Variants in TECPR2 observed in about 807,000 individuals in gnomAD.
The protein encoded by TECPR2 is tectonin beta-propeller repeat containing 2, also known as tectonin beta-propeller repeat-containing protein 2.
In TECPR2, 65 loss-of-function variants were observed where a neutral mutation model predicts 138.1. That is an observed-to-expected ratio of 0.47 (90% confidence interval 0.39 to 0.58). The LOEUF (loss-of-function observed/expected upper bound fraction) is 0.58. TECPR2 is among the 20% of genes least tolerant of loss of function. The pLI, the probability that TECPR2 is intolerant of heterozygous loss-of-function variation, is 0.00. For synonymous variants in TECPR2, 746 were observed against 749.8 expected (o/e 0.99, Z 0.08); for missense variants, 1,553 against 1,824.5 (o/e 0.85, Z 2.71).
chr14:102,399,187 GGGA>G (rs1888402357), intron 2 of TECPR2, among the ~76,000 whole-genome samples: 2 of 152,300 alleles, frequency 1.3e-5, no homozygotes, highest in South Asian at 4.1e-4. Flanking sequence ...GCTTGAATCT[GGGA>G]GGCAGAGGTT....
At chr14:102,448,279 C>T (rs1387768968) in intron 13 of TECPR2, among the ~76,000 whole-genome samples, 1 of 152,144 alleles carries the variant, frequency 6.6e-6, no homozygotes, top group Non-Finnish European at 1.5e-5. Context: ...GCATTTATGC[C>T]AGTGATGTTT....
chr14:102,430,603 G>C (rs1319968446), intron 7 of TECPR2, among the ~76,000 whole-genome samples: 3 of 152,236 alleles, frequency 2.0e-5, no homozygotes, highest in Non-Finnish European at 4.4e-5. Flanking sequence ...AAAGTGGGCT[G>C]TGGTCTTGTG....
intron 2 of TECPR2, among the ~76,000 whole-genome samples, chr14:102,395,722 C>T (rs1225268068): frequency 2.0e-5 from 3 of 151,852 alleles, no homozygotes; most frequent in African/African-American, 7.3e-5. Context: ...TGCTTGAACC[C>T]GGGAGGCAGA....
chr14:102,446,038 G>T, intron 13 of TECPR2, 91 bp downstream of exon 13: 1 of 1,387,080 alleles, frequency 7.2e-7, no homozygotes, highest in East Asian at 2.4e-5. Context: ...AACGATACTA[G>T]ATTAAATTTA....
intron 2 of TECPR2, among the ~76,000 whole-genome samples, chr14:102,398,704 A>C (rs189137271): frequency 6.6e-6 from 1 of 152,122 alleles, no homozygotes; most frequent in East Asian, 1.9e-4. Context: ...AAATCAAAAA[A>C]ATTAGCCGGG....
At chr14:102,451,306 G>A (rs563648375) in intron 15 of TECPR2, among the ~76,000 whole-genome samples, 7 of 152,174 alleles carry the variant, frequency 4.6e-5, no homozygotes, top group Non-Finnish European at 8.8e-5. Context: ...GATTGCCTGA[G>A]GATGAAATGC....
chr14:102,411,029 AC>A (rs1333301794), intron 4 of TECPR2, among the ~76,000 whole-genome samples: 4 of 151,684 alleles, frequency 2.6e-5, no homozygotes, highest in Non-Finnish European at 4.4e-5. Context: ...TTCATCCAAA[AC>A]CATATCCAGG....
At position 102,443,609 on chromosome 14, in the gene TECPR2, C is replaced by A; in HGVS notation, c.2753-38C>A. ...GTCAAAATGAGGTGTGGAGTTCTGA[C>A]TGTGTGTCTTTGGGGCTTCTTCCCA... On this transcript the variant is annotated intron_variant, in intron 11 of 19. Coordinates refer to ENST00000359520, the MANE Select transcript of TECPR2 (RefSeq NM_014844.5). The surrounding 1 kb of genome is among the most constrained non-coding windows in gnomAD (Gnocchi z 4.9). 1 of 1,489,064 alleles carries A rather than the reference C, an allele frequency of 6.7e-7. No individual in the cohort carries two copies. The highest frequency in any genetic ancestry group is 9.1e-7 in the Non-Finnish European group (1 of 1,103,498). The allele number at this position is 1,489,064 out of a possible 1,614,324, so 92.2% of individuals were successfully genotyped here.
chr14:102,462,705 C>G (rs1351210950), intron 16 of TECPR2, among the ~76,000 whole-genome samples: 1 of 152,158 alleles, frequency 6.6e-6, no homozygotes, highest in Non-Finnish European at 1.5e-5. Flanking sequence ...TTTTATTCCC[C>G]GGTTGAAAGT....
At chr14:102,396,428 T>G (rs1888317596) in intron 2 of TECPR2, among the ~76,000 whole-genome samples, 1 of 152,152 alleles carries the variant, frequency 6.6e-6, no homozygotes, top group Non-Finnish European at 1.5e-5. Flanking sequence ...GCTCAGCATA[T>G]TCATACTTGA....
rs192460018 is a variant in TECPR2 at position 102,380,543 on chromosome 14, G to A, written c.219+3603G>A. The stretch of plus-strand genomic sequence containing the variant: ...GGGGGGAAACCATGCCCATGATTCA[G>A]TTATCTCTACCTGGTCCCTCCTACG... On this transcript the variant is annotated intron_variant, in intron 2 of 19. Coordinates refer to ENST00000359520, the MANE Select transcript of TECPR2 (RefSeq NM_014844.5). 5.4e-3 allele frequency among the ~76,000 whole-genome samples: 817 copies of A among 152,318 alleles called. 9 individuals are homozygous for A. Among genetic ancestry groups the A allele is most frequent in the Non-Finnish European group, 4.9e-3 (331 of 68,036 alleles).
intron 2 of TECPR2, among the ~76,000 whole-genome samples, chr14:102,384,049 A>G (rs1183521112): frequency 6.6e-6 from 1 of 150,910 alleles, no homozygotes; most frequent in Non-Finnish European, 1.5e-5. Context: ...TCTCCTGAGT[A>G]GCTGGGATTA....
rs900075391 is a variant in TECPR2, at chr14:102,449,097, AC to A, written c.3076-531del. On this transcript the variant is annotated intron_variant, in intron 13 of 19. Coordinates refer to ENST00000359520, the MANE Select transcript of TECPR2 (RefSeq NM_014844.5). ...GGGCAACACAGGGAGACCTGTCTCT[AC>A]AAAAAATTTAAAAATTGGCTACATG... 4.6e-5 allele frequency among the ~76,000 whole-genome samples: 7 copies of A among 152,316 alleles called. No individual in the cohort carries two copies. In the Middle Eastern group the frequency reaches 0.01, roughly 222 times the overall value.
In TECPR2 at chr14:102,498,770, T is replaced by G. The variant is rs1182996127; in HGVS notation, c.*513T>G. The G allele has an allele frequency of 2.0e-6, 1 of 495,306 alleles. No homozygotes were observed. Among genetic ancestry groups the G allele is most frequent in the Non-Finnish European group, 3.9e-6 (1 of 253,972 alleles). The allele number at this position is 495,306 out of a possible 1,614,324, so 30.7% of individuals were successfully genotyped here. A position where few individuals can be genotyped will look rare whatever the true frequency, so the allele number is the denominator to read the frequency against. On this transcript the variant is annotated 3_prime_UTR_variant, in exon 20 of 20. Coordinates refer to ENST00000359520, the MANE Select transcript of TECPR2 (RefSeq NM_014844.5). Reference sequence around the variant, plus strand: ...CCCAGAGACAAAGCTGCAGAGCACATTCCATGCCAGACGCTCTGGCCAGGA... The same window carrying G: ...CCCAGAGACAAAGCTGCAGAGCACAGTCCATGCCAGACGCTCTGGCCAGGA...
At chr14:102,481,387 G>T (rs1890890970) in intron 17 of TECPR2, among the ~76,000 whole-genome samples, 1 of 152,180 alleles carries the variant, frequency 6.6e-6, no homozygotes, top group Non-Finnish European at 1.5e-5. Flanking sequence ...GACCTCAAGT[G>T]ATCCACCTGT....
At position 102,451,977 on chromosome 14, in the gene TECPR2, C is replaced by T. The variant is rs143664657; in HGVS notation, c.3407-417C>T. Among the ~76,000 whole-genome samples, 306 of 152,132 alleles carry T rather than the reference C, an allele frequency of 2.0e-3. 1 individual carries two copies. The highest frequency in any genetic ancestry group is 7.1e-3 in the African/African-American group (294 of 41,494). On this transcript the variant is annotated intron_variant, in intron 15 of 19. Coordinates refer to ENST00000359520, the MANE Select transcript of TECPR2 (RefSeq NM_014844.5). ...GCCATCCTTCCTAGGAACTGCCAAC[C>T]CTCCCTCCCTCCAGGGCACCGAGTT...
At chr14:102,457,305 G>A (rs1171935445) in intron 16 of TECPR2, among the ~76,000 whole-genome samples, 2 of 151,782 alleles carry the variant, frequency 1.3e-5, no homozygotes, top group African/African-American at 2.4e-5. Context: ...AGCTGGTCTC[G>A]AGCTCCTGAC....
chr14:102,452,746 G>T, intron 16 of TECPR2, 119 bp downstream of exon 16: 1 of 763,216 alleles, frequency 1.3e-6, no homozygotes, highest in Non-Finnish European at 2.1e-6. Context: ...CTGAGGGGGT[G>T]TTTATAAGCT....
chr14:102,424,523 C>T (rs937538440), intron 5 of TECPR2, among the ~76,000 whole-genome samples: 1 of 152,190 alleles, frequency 6.6e-6, no homozygotes, highest in African/African-American at 2.4e-5. Context: ...TTAGTAGAGG[C>T]ATGGTTTCAC....
Sources: allele counts gnomAD v4.1 joint callset (sites outside exome capture counted in the v4.1 genomes callset), GRCh38; gene constraint gnomAD v4.1.1; non-coding constraint Gnocchi (gnomAD v3.1); transcripts MANE v1.5; gene names NCBI Gene and HGNC (gene_info 2026-07-23, HGNC 2026-07-21).